XPR1: variants seen among roughly 807,000 people sequenced by gnomAD.
XPR1 encodes the protein solute carrier family 53 member 1.
In XPR1, 28 loss-of-function variants were observed where a neutral mutation model predicts 87.5. That is an observed-to-expected ratio of 0.32 (90% confidence interval 0.24 to 0.44). The LOEUF is 0.44. XPR1 is among the 20% of genes least tolerant of loss of function. XPR1 has a pLI of 1.00. For synonymous variants in XPR1, 300 were observed against 306.1 expected (o/e 0.98, Z 0.21); for missense variants, 559 against 862.3 (o/e 0.65, Z 4.41).
intron 2 of XPR1, among the ~76,000 whole-genome samples, chr1:180,698,134 G>A (rs181074022): frequency 2.0e-5 from 3 of 152,196 alleles, no homozygotes; most frequent in African/African-American, 7.2e-5. Context: ...GTACATACAT[G>A]TTTAGAATTG....
chr1:180,655,762 T>A (rs1027687095), intron 1 of XPR1, among the ~76,000 whole-genome samples: 3 of 152,022 alleles, frequency 2.0e-5, no homozygotes, highest in Admixed American at 6.6e-5. Flanking sequence ...AGTTAATTTT[T>A]AAAAAAAATT....
At chr1:180,725,505 G>T (rs144755221) in intron 2 of XPR1, among the ~76,000 whole-genome samples, 20 of 152,264 alleles carry the variant, frequency 1.3e-4, no homozygotes, top group African/African-American at 4.8e-4. Flanking sequence ...AACCTTTCTA[G>T]TATTGTTGTA....
intron 11 of XPR1, among the ~76,000 whole-genome samples, chr1:180,857,606 G>A (rs1652078537): frequency 6.6e-6 from 1 of 151,962 alleles, no homozygotes; most frequent in South Asian, 2.1e-4. Flanking sequence ...TTCCCCTCCT[G>A]GCTTATTGAT....
chr1:180,820,095 G>T (rs1377952098), intron 7 of XPR1, among the ~76,000 whole-genome samples: 3 of 151,572 alleles, frequency 2.0e-5, no homozygotes, highest in African/African-American at 7.3e-5. Context: ...GACATCTTAA[G>T]ATATATTTAT....
Position 180,636,595 on chromosome 1 carries a change from G to T in XPR1, c.69+4325G>T, listed in dbSNP as rs142672807. On this transcript the variant is annotated intron_variant, in intron 1 of 14. Coordinates refer to ENST00000367590, the MANE Select transcript of XPR1 (RefSeq NM_004736.4). Reference sequence around the variant, plus strand: ...ACCTAAGAATCTTATTTGACCTGGGGTGACCATGGAAACTTAGTCCTAGCT... The same window carrying T: ...ACCTAAGAATCTTATTTGACCTGGGTTGACCATGGAAACTTAGTCCTAGCT... 3.1e-3 allele frequency among the ~76,000 whole-genome samples: 465 copies of T among 152,300 alleles called. 6 individuals are homozygous for T. The highest frequency in any genetic ancestry group is 0.014 in the Middle Eastern group (4 of 294).
chr1:180,687,123 T>G (rs1656808537), intron 2 of XPR1, among the ~76,000 whole-genome samples: 1 of 152,158 alleles, frequency 6.6e-6, no homozygotes, highest in African/African-American at 2.4e-5. Flanking sequence ...CCATAGAAGC[T>G]GAACTGATTC....
chr1:180,720,158 T>G (rs1471213446), intron 2 of XPR1, among the ~76,000 whole-genome samples: 4 of 152,070 alleles, frequency 2.6e-5, no homozygotes, highest in Non-Finnish European at 5.9e-5. Context: ...GAGGGGATGC[T>G]TTTAAAAAAG....
At chr1:180,805,046 A>G (rs1191152378) in intron 4 of XPR1, among the ~76,000 whole-genome samples, 1 of 152,208 alleles carries the variant, frequency 6.6e-6, no homozygotes, top group African/African-American at 2.4e-5. Context: ...ATTAATTATG[A>G]AAGTTCTGCT....
chr1:180,860,367 A>G (rs1301861793), intron 11 of XPR1, among the ~76,000 whole-genome samples: 1 of 152,166 alleles, frequency 6.6e-6, no homozygotes, highest in Admixed American at 6.6e-5. Flanking sequence ...TATCCAAGGG[A>G]AATGAAAACA....
chr1:180,713,013 T>C (rs1007312858), intron 2 of XPR1, among the ~76,000 whole-genome samples: 14 of 151,148 alleles, frequency 9.3e-5, no homozygotes, highest in African/African-American at 3.1e-4. Flanking sequence ...TTTGGAATAC[T>C]CTATCCGTTT....
chr1:180,661,489 G>A (rs978834672), intron 1 of XPR1, among the ~76,000 whole-genome samples: 10 of 128,244 alleles, frequency 7.8e-5, no homozygotes, highest in South Asian at 2.5e-4. Context: ...GTGTGTGTGT[G>A]TGTGTGTGTG....
At chr1:180,673,800 G>C (rs182451618) in intron 1 of XPR1, among the ~76,000 whole-genome samples, 2 of 152,330 alleles carry the variant, frequency 1.3e-5, no homozygotes, top group African/African-American at 4.8e-5. Flanking sequence ...GAGCCAAAAG[G>C]GTTGGGGACC....
At chr1:180,808,312 A>G (rs1452549453) in intron 6 of XPR1, among the ~76,000 whole-genome samples, 1 of 151,738 alleles carries the variant, frequency 6.6e-6, no homozygotes, top group African/African-American at 2.4e-5. Context: ...ATGAGCTTTC[A>G]TCCATACTTC....
chr1:180,838,155 A>G (rs941056649), intron 11 of XPR1, among the ~76,000 whole-genome samples: 4 of 152,218 alleles, frequency 2.6e-5, no homozygotes, highest in Admixed American at 2.0e-4. Context: ...TGTCATGTGT[A>G]TTATATATAC....
intron 2 of XPR1, among the ~76,000 whole-genome samples, chr1:180,729,928 A>G (rs1215515024): frequency 6.6e-6 from 1 of 152,138 alleles, no homozygotes; most frequent in Non-Finnish European, 1.5e-5. Context: ...ATTTTGTTGC[A>G]ATTGCTTTTG....
At chr1:180,745,610 C>T (rs866392424) in intron 2 of XPR1, among the ~76,000 whole-genome samples, 3 of 152,126 alleles carry the variant, frequency 2.0e-5, no homozygotes, top group Non-Finnish European at 4.4e-5. Context: ...GATGTTTCCT[C>T]AGTGAATGTT....
intron 2 of XPR1, among the ~76,000 whole-genome samples, chr1:180,711,197 C>G: frequency 6.6e-6 from 1 of 151,920 alleles, no homozygotes; most frequent in Non-Finnish European, 1.5e-5. Flanking sequence ...ACGCTCCTCA[C>G]TTCCCAGACA....
intron 11 of XPR1, among the ~76,000 whole-genome samples, chr1:180,840,835 A>G (rs1571886728): frequency 6.6e-6 from 1 of 152,144 alleles, no homozygotes; most frequent in South Asian, 2.1e-4. Context: ...CCTTCATTCT[A>G]GTTCTGAGTT....
intron 1 of XPR1, among the ~76,000 whole-genome samples, chr1:180,680,988 T>C (rs1392706969): frequency 6.6e-6 from 1 of 151,470 alleles, no homozygotes; most frequent in Non-Finnish European, 1.5e-5. Context: ...TTCTCACTCA[T>C]ATGTGGAACC....
Sources: gnomAD v4.1 joint callset for allele counts (sites outside exome capture counted in the v4.1 genomes callset) on GRCh38, gnomAD v4.1.1 for gene constraint, MANE v1.5 for transcripts, NCBI Gene and HGNC (gene_info 2026-07-23, HGNC 2026-07-21) for gene names.